The following TLL2 variants were observed in gnomAD, a reference collection of about 807,000 sequenced individuals.
TLL2 encodes the protein tolloid like 2, also known as tolloid-like protein 2.
Under a neutral mutation model 123.0 loss-of-function variants are expected in TLL2, and 106 were observed. That is an observed-to-expected ratio of 0.86 (90% CI 0.74 to 1.01). The LOEUF (loss-of-function observed/expected upper bound fraction) is 1.01. TLL2 is among the 50% of genes least tolerant of loss of function. TLL2 has a pLI of 0.00. For missense variants in TLL2, 1,332 were observed against 1,336.7 expected (o/e 1.00, Z 0.06); for synonymous variants, 494 against 516.8 (o/e 0.96, Z 0.60).
rs1437882060 is a variant in TLL2 at position 96,476,227 on chromosome 10, T to C, written c.286+4122A>G. Among the ~76,000 whole-genome samples, 84 of 31,290 alleles carry C rather than the reference T, an allele frequency of 2.7e-3. 9 individuals carry two copies. The highest frequency in any genetic ancestry group is 6.8e-3 in the African/African-American group (80 of 11,702). 20.5% of individuals were successfully genotyped at this position (31,290 alleles called of 152,430 possible). A position where few individuals can be genotyped will look rare whatever the true frequency, so the allele number is the denominator to read the frequency against. ...GTTCCTTTTTAATTTTATATGTATA[T>C]ATATATATATATATTTTATTTTTGT... On this transcript the variant is annotated intron_variant, in intron 2 of 20. Coordinates refer to ENST00000357947, the MANE Select transcript of TLL2 (RefSeq NM_012465.4).
At chr10:96,475,889 C>T (rs755429068) in intron 2 of TLL2, among the ~76,000 whole-genome samples, 4 of 152,096 alleles carry the variant, frequency 2.6e-5, no homozygotes, top group Admixed American at 6.5e-5. Flanking sequence ...GTGGGTCTCA[C>T]GAGATCTGAC....
In TLL2 at chr10:96,413,408, C is replaced by T; in HGVS notation, c.924-92G>A. 2.7e-6 allele frequency: 4 copies of T among 1,487,562 alleles called. No individual in the cohort carries two copies. In the South Asian group the frequency reaches 5.3e-5, roughly 20 times the overall value. 92.1% of individuals were successfully genotyped at this position (1,487,562 alleles called of 1,614,324 possible). ...TAGGCTTCATTCCCTTGCCCATAAC[C>T]CCATCAACATTCCTGCCCCCTGGCC... On this transcript the variant is annotated intron_variant, in intron 7 of 20. Transcript: ENST00000357947.
chr10:96,406,565 G>T (rs183706377), intron 9 of TLL2, among the ~76,000 whole-genome samples: 32 of 152,208 alleles, frequency 2.1e-4, no homozygotes, highest in South Asian at 1.0e-3. Context: ...CTAGCTCTAA[G>T]TAAACCCTTA....
chr10:96,462,346 T>C (rs1847088703), intron 2 of TLL2, among the ~76,000 whole-genome samples: 1 of 152,214 alleles, frequency 6.6e-6, no homozygotes, highest in South Asian at 2.1e-4. Flanking sequence ...TGAGGTACTT[T>C]TGTCCTGCAG....
intron 2 of TLL2, among the ~76,000 whole-genome samples, chr10:96,460,803 C>T (rs1490999556): frequency 6.6e-6 from 1 of 152,182 alleles, no homozygotes; most frequent in Non-Finnish European, 1.5e-5. Context: ...TGAGAACAGA[C>T]TAATACAATG....
rs188094025 is a variant in TLL2, at chr10:96,415,348, A to G, written c.924-2032T>C. On this transcript the variant is annotated intron_variant, in intron 7 of 20. Transcript: ENST00000357947. ...TGCAAACTCCTATTCATTCTCCAAA[A>G]CCCCATCAGATGTCTTTCTCTATTA... Among the ~76,000 whole-genome samples the G allele has an allele frequency of 1.6e-3, 241 of 151,680 alleles. 1 individual carries two copies. The highest frequency in any genetic ancestry group is 5.5e-3 in the African/African-American group (229 of 41,352).
At chr10:96,440,251 G>T (rs950045580) in intron 3 of TLL2, among the ~76,000 whole-genome samples, 1 of 152,214 alleles carries the variant, frequency 6.6e-6, no homozygotes, top group African/African-American at 2.4e-5. Flanking sequence ...AATGTTGCCA[G>T]CTTGTTCTCC....
Position 96,364,677 on chromosome 10 carries a change from CT to C in TLL2, c.*3410del, listed in dbSNP as rs1365244746. The C allele has an allele frequency of 6.5e-6, 1 of 152,672 alleles. No homozygotes were observed. Among genetic ancestry groups the C allele is most frequent in the Admixed American group, 6.5e-5 (1 of 15,286 alleles). 9.5% of individuals were successfully genotyped at this position (152,672 alleles called of 1,614,324 possible). A position where few individuals can be genotyped will look rare whatever the true frequency, so the allele number is the denominator to read the frequency against. ...ATATGTTAGGTCCTCTCCACTTTCT[CT>C]TTGAAACTGACATCATTTCATGAAA... On this transcript the variant is annotated 3_prime_UTR_variant, in exon 21 of 21. Coordinates refer to ENST00000357947, the MANE Select transcript of TLL2 (RefSeq NM_012465.4).
intron 16 of TLL2, among the ~76,000 whole-genome samples, chr10:96,380,529 T>A (rs562762739): frequency 7.1e-4 from 108 of 151,060 alleles, no homozygotes; most frequent in African/African-American, 2.0e-3. Flanking sequence ...ATACAAAAAA[T>A]AATAATAATA....
At chr10:96,379,960 G>A (rs1846171625) in intron 16 of TLL2, among the ~76,000 whole-genome samples, 1 of 152,252 alleles carries the variant, frequency 6.6e-6, no homozygotes, top group Non-Finnish European at 1.5e-5. Flanking sequence ...TGCACGTGGA[G>A]CAGCTGAGTG....
At chr10:96,404,902 T>C (rs767989670) in intron 10 of TLL2, among the ~76,000 whole-genome samples, 5 of 152,202 alleles carry the variant, frequency 3.3e-5, no homozygotes, top group African/African-American at 4.8e-5. Context: ...AGATGGATCA[T>C]AATTTATTCA....
intron 1 of TLL2, among the ~76,000 whole-genome samples, chr10:96,497,669 C>A (rs1847490693): frequency 6.6e-6 from 1 of 152,244 alleles, no homozygotes; most frequent in Admixed American, 6.5e-5. Context: ...CCCCTCACCA[C>A]AGGGATAATG....
chr10:96,472,833 T>C (rs894997555), intron 2 of TLL2, among the ~76,000 whole-genome samples: 6 of 152,134 alleles, frequency 3.9e-5, no homozygotes, highest in African/African-American at 1.2e-4. Flanking sequence ...TTTTAGAGCC[T>C]CAAACCTTGG....
intron 2 of TLL2, among the ~76,000 whole-genome samples, chr10:96,455,228 C>CAA (rs200082233): frequency 6.7e-6 from 1 of 148,394 alleles, no homozygotes; most frequent in African/African-American, 2.5e-5. Flanking sequence ...GACTCCGCCT[C>CAA]AAAAAAAATA....
At position 96,432,788 on chromosome 10, in the gene TLL2, C is replaced by G; in HGVS notation, c.520+19G>C. Reference sequence around the variant, plus strand: ...CAAAGCACCCTGACCCAAAGCAGACCTTGTCTGTGGCTACTGACCAGTGAA... The same window carrying G: ...CAAAGCACCCTGACCCAAAGCAGACGTTGTCTGTGGCTACTGACCAGTGAA... On this transcript the variant is annotated intron_variant, in intron 4 of 20. Coordinates refer to ENST00000357947, the MANE Select transcript of TLL2 (RefSeq NM_012465.4). 1 of 1,610,510 alleles carries G rather than the reference C, an allele frequency of 6.2e-7. No individual in the cohort carries two copies.
chr10:96,478,620 C>G (rs1485378912), intron 2 of TLL2, among the ~76,000 whole-genome samples: 2 of 152,144 alleles, frequency 1.3e-5, no homozygotes, highest in Non-Finnish European at 2.9e-5. Context: ...AACCAGAGTC[C>G]GTTCATACAA....
At chr10:96,374,296 C>T (rs1458839950) in intron 18 of TLL2, 1 of 168,554 alleles carries the variant, frequency 5.9e-6, no homozygotes, top group Admixed American at 5.8e-5. Context: ...GTGTCTAATC[C>T]CCGCTTTACA....
chr10:96,403,462 T>C (rs539411702), intron 10 of TLL2, among the ~76,000 whole-genome samples: 1 of 152,362 alleles, frequency 6.6e-6, no homozygotes, highest in South Asian at 2.1e-4. Flanking sequence ...ATGTGTTGTA[T>C]GAAATCGAGG....
intron 2 of TLL2, among the ~76,000 whole-genome samples, chr10:96,478,628 C>T (rs1004338819): frequency 6.6e-6 from 1 of 152,196 alleles, no homozygotes; most frequent in Non-Finnish European, 1.5e-5. Flanking sequence ...TCCGTTCATA[C>T]AATAGAATAC....
Sources: allele counts gnomAD v4.1 joint callset (sites outside exome capture counted in the v4.1 genomes callset), GRCh38; gene constraint gnomAD v4.1.1; transcripts MANE v1.5; gene names NCBI Gene and HGNC (gene_info 2026-07-23, HGNC 2026-07-21).